CYP19A1: variants seen among roughly 807,000 people sequenced by gnomAD.
CYP19A1 encodes the protein aromatase.
CYP19A1 carries 32 observed loss-of-function variants against 44.4 expected under a neutral mutation model. The observed-to-expected ratio is 0.72, with a 90% CI of 0.54 to 0.97. The LOEUF is 0.97. CYP19A1 is among the 50% of genes least tolerant of loss of function. The pLI, the probability that CYP19A1 is intolerant of heterozygous loss-of-function variation, is 0.00. For missense variants in CYP19A1, 598 were observed against 637.8 expected, an observed-to-expected ratio of 0.94 and a Z score of 0.67; for synonymous variants, 212 against 215.6, an observed-to-expected ratio of 0.98 and a Z score of 0.14.
At chr15:51,333,092 T>C (rs2036726076) in intron 1 of CYP19A1, among the ~76,000 whole-genome samples, 1 of 152,240 alleles carries the variant, frequency 6.6e-6, no homozygotes. Flanking sequence ...AGTCTTTTTG[T>C]GCTCTACTGG....
intron 1 of CYP19A1, among the ~76,000 whole-genome samples, chr15:51,295,792 C>T (rs958557486): frequency 6.6e-6 from 1 of 152,098 alleles, no homozygotes; most frequent in East Asian, 1.9e-4. Flanking sequence ...TGGATGGCTT[C>T]GGGGAGCCAG....
chr15:51,288,337 G>T (rs2035757071), intron 1 of CYP19A1, among the ~76,000 whole-genome samples: 1 of 152,062 alleles, frequency 6.6e-6, no homozygotes, highest in Non-Finnish European at 1.5e-5. Flanking sequence ...ACTGTCCAAA[G>T]CAACTCACCG....
chr15:51,278,351 C>T (rs574510093), intron 1 of CYP19A1, among the ~76,000 whole-genome samples: 7 of 152,180 alleles, frequency 4.6e-5, no homozygotes, highest in African/African-American at 1.7e-4. Flanking sequence ...TGTGCGTACG[C>T]TCCTGTGAAC....
intron 1 of CYP19A1, chr15:51,337,818 C>T (rs894722188): frequency 2.0e-5 from 3 of 152,298 alleles, no homozygotes; most frequent in African/African-American, 4.8e-5. Context: ...AGATGTCTAC[C>T]TTGTAGGCCA....
At chr15:51,230,842 A>T (rs1303958985) in intron 3 of CYP19A1, among the ~76,000 whole-genome samples, 1 of 152,038 alleles carries the variant, frequency 6.6e-6, no homozygotes, top group African/African-American at 2.4e-5. Flanking sequence ...GGCTGGTCTC[A>T]AACTCTTGAC....
chr15:51,212,406 T>G lies in CYP19A1; in HGVS notation c.1177A>C (p.Asn393His), dbSNP rs1363916718. ...ATCCTTCCAATATTCAGGATAATGTTTGTCCCCTTTTTCACTGGGTAGCCA... is the reference window on the plus strand; with the variant it reads ...ATCCTTCCAATATTCAGGATAATGTGTGTCCCCTTTTTCACTGGGTAGCCA... ...IDGYPVKKGT[N>H]IILNIGRMHR... is the part of the protein sequence containing the mutation. The change falls in exon 9 of 10, where the codon AAC becomes CAC. Residue 393 changes from asparagine to histidine, a missense_variant. Coordinates refer to ENST00000396402, the MANE Select transcript of CYP19A1 (RefSeq NM_000103.4). The G allele has an allele frequency of 6.3e-7, 1 of 1,598,840 alleles. No individual in the cohort carries two copies. Among genetic ancestry groups the G allele is most frequent in the African/African-American group, 1.3e-5 (1 of 74,646 alleles).
At chr15:51,265,338 G>C (rs2034877154) in intron 1 of CYP19A1, among the ~76,000 whole-genome samples, 1 of 152,178 alleles carries the variant, frequency 6.6e-6, no homozygotes, top group South Asian at 2.1e-4. Flanking sequence ...CATTGCCTAA[G>C]GGAAGCAGAA....
At chr15:51,309,688 C>T (rs886724696) in intron 1 of CYP19A1, among the ~76,000 whole-genome samples, 1 of 152,118 alleles carries the variant, frequency 6.6e-6, no homozygotes, top group Non-Finnish European at 1.5e-5. Flanking sequence ...CTGTTGGTTC[C>T]GCTCAGAGGA....
chr15:51,331,615 G>C (rs1485584817), intron 1 of CYP19A1, among the ~76,000 whole-genome samples: 1 of 151,940 alleles, frequency 6.6e-6, no homozygotes, highest in African/African-American at 2.4e-5. Context: ...GGATAGAATG[G>C]GGGCGAGTTC....
At chr15:51,311,994 G>A (rs2036319997) in intron 1 of CYP19A1, among the ~76,000 whole-genome samples, 1 of 152,136 alleles carries the variant, frequency 6.6e-6, no homozygotes, top group Admixed American at 6.5e-5. Flanking sequence ...AAACCCTAAT[G>A]CTATGAAACA....
intron 1 of CYP19A1, among the ~76,000 whole-genome samples, chr15:51,248,914 A>G (rs6493493): frequency 0.99 from 150,529 of 152,056 alleles, 74,529 homozygotes; most frequent in Middle Eastern, 1. Flanking sequence ...CCAGTTGTCT[A>G]CAAGACTTTC....
chr15:51,221,909 A>C lies in CYP19A1; in HGVS notation c.628+440T>G, dbSNP rs1268807786. 2.1e-5 allele frequency: 4 copies of C among 193,744 alleles called. No individual in the cohort carries two copies. In the East Asian group the frequency reaches 4.9e-4, roughly 24 times the overall value. The allele number at this position is 193,744 out of a possible 1,614,324, so 12.0% of individuals were successfully genotyped here. A position where few individuals can be genotyped will look rare whatever the true frequency, so the allele number is the denominator to read the frequency against. On this transcript the variant is annotated intron_variant, in intron 5 of 9. Transcript: ENST00000396402. The stretch of plus-strand genomic sequence containing the variant: ...TTGACATTTTTATCATATAGGCACA[A>C]TGTTTTCATGTTTAGTAGCTTTGAG...
In CYP19A1 at chr15:51,304,890, CT is replaced by C. The variant is rs545247348; in HGVS notation, c.-39+33604del. On this transcript the variant is annotated intron_variant, in intron 1 of 9. Coordinates refer to ENST00000396402, the MANE Select transcript of CYP19A1 (RefSeq NM_000103.4). ...ATCCCTCAGGTAATTGTGTCTCTTC[CT>C]TTTTTTTTTTTTTTTTTTTTTTTTT... Among the ~76,000 whole-genome samples, 219 of 104,570 alleles carry C rather than the reference CT, an allele frequency of 2.1e-3. 3 individuals carry two copies. Among genetic ancestry groups the C allele is most frequent in the Middle Eastern group, 5.2e-3 (1 of 194 alleles). The allele number at this position is 104,570 out of a possible 152,430, so 68.6% of individuals were successfully genotyped here.
At chr15:51,240,072 T>G (rs1470713375) in intron 2 of CYP19A1, among the ~76,000 whole-genome samples, 2 of 2,644 alleles carry the variant, frequency 7.6e-4, no homozygotes, top group African/African-American at 1.4e-3. Context: ...CCCCGGCCAC[T>G]CCCCCTTCTC....
intron 1 of CYP19A1, among the ~76,000 whole-genome samples, chr15:51,295,136 GTTTTTTTTTT>G (rs71426072): frequency 7.6e-6 from 1 of 131,376 alleles, no homozygotes; most frequent in Non-Finnish European, 1.7e-5. Flanking sequence ...TTAACAACGT[GTTTTTTTTTT>G]TTTTTTTTTA....
intron 1 of CYP19A1, among the ~76,000 whole-genome samples, chr15:51,320,662 C>T (rs563191385): frequency 3.3e-5 from 5 of 152,316 alleles, no homozygotes; most frequent in Non-Finnish European, 5.9e-5. Flanking sequence ...TCAGGTCCTC[C>T]TCTCAGCCCT....
At chr15:51,296,385 G>A (rs1438369068) in intron 1 of CYP19A1, among the ~76,000 whole-genome samples, 1 of 152,152 alleles carries the variant, frequency 6.6e-6, no homozygotes, top group Non-Finnish European at 1.5e-5. Context: ...GGGCATGACA[G>A]GGTTGGAGAC....
intron 1 of CYP19A1, among the ~76,000 whole-genome samples, chr15:51,331,946 C>T (rs886906271): frequency 4.0e-5 from 6 of 151,834 alleles, no homozygotes; most frequent in African/African-American, 1.5e-4. Context: ...CACACATACA[C>T]ACACACACAT....
chr15:51,239,754 G>A (rs994789441), intron 2 of CYP19A1, among the ~76,000 whole-genome samples: 8 of 152,144 alleles, frequency 5.3e-5, no homozygotes, highest in African/African-American at 7.2e-5. Flanking sequence ...GGTAACATCC[G>A]CTTTGTCAGG....
Sources: allele counts gnomAD v4.1 joint callset (sites outside exome capture counted in the v4.1 genomes callset), GRCh38; gene constraint gnomAD v4.1.1; transcripts MANE v1.5; gene names NCBI Gene and HGNC (gene_info 2026-07-23, HGNC 2026-07-21).